LRRC7: variants seen among roughly 807,000 people sequenced by gnomAD.
The protein encoded by LRRC7 is leucine rich repeat containing 7, also known as leucine-rich repeat-containing protein 7.
In LRRC7, 23 loss-of-function variants were observed where a neutral mutation model predicts 175.7. The observed-to-expected ratio is 0.13, with a 90% CI of 0.09 to 0.19. LRRC7 has a LOEUF of 0.19. Ranked by LOEUF, LRRC7 falls within the 10% of genes least tolerant of loss-of-function variation. The pLI, the probability that LRRC7 is intolerant of heterozygous loss-of-function variation, is 1.00. For synonymous variants in LRRC7, 685 were observed against 680.9 expected, an observed-to-expected ratio of 1.01 and a Z score of -0.09; for missense variants, 1,354 against 1,904.7, an observed-to-expected ratio of 0.71 and a Z score of 5.38.
chr1:69,740,571 AG>A (rs1419683551), intron 2 of LRRC7, among the ~76,000 whole-genome samples: 1 of 152,092 alleles, frequency 6.6e-6, no homozygotes, highest in Non-Finnish European at 1.5e-5. Flanking sequence ...GGACAGCAAA[AG>A]GAAAGTGAGT....
chr1:69,891,937 G>A (rs557487384), intron 7 of LRRC7, among the ~76,000 whole-genome samples: 1 of 151,788 alleles, frequency 6.6e-6, no homozygotes, highest in South Asian at 2.1e-4. Context: ...ATAAAGTAAA[G>A]TGCAATAAAA....
rs1177451719 is a variant in LRRC7, at chr1:70,141,939, A to C, written c.*20052A>C. 6.6e-6 allele frequency: 1 copy of C among 152,074 alleles called. No homozygotes were observed. The highest frequency in any genetic ancestry group is 2.4e-5 in the African/African-American group (1 of 41,412). The allele number at this position is 152,074 out of a possible 1,614,324, so 9.4% of individuals were successfully genotyped here. On this transcript the variant is annotated 3_prime_UTR_variant, in exon 27 of 27. Coordinates refer to ENST00000651989, the MANE Select transcript of LRRC7 (RefSeq NM_001370785.2). Reference sequence around the variant, plus strand: ...ATTGACCTTTTTAATAGCTTAACGAAAGCATTTGACAAATGGACAAAAGAA... The same window carrying C: ...ATTGACCTTTTTAATAGCTTAACGACAGCATTTGACAAATGGACAAAAGAA...
intron 2 of LRRC7, among the ~76,000 whole-genome samples, chr1:69,759,151 C>T (rs796457026): frequency 1.1e-4 from 16 of 152,042 alleles, no homozygotes; most frequent in African/African-American, 3.9e-4. Context: ...GAGATAGTGA[C>T]CTTTTCGTTA....
At chr1:70,023,866 A>G (rs995498843) in intron 17 of LRRC7, among the ~76,000 whole-genome samples, 2 of 152,152 alleles carry the variant, frequency 1.3e-5, no homozygotes, top group Non-Finnish European at 2.9e-5. Context: ...GTTGAAAAGC[A>G]TCAATTTCCT....
intron 2 of LRRC7, among the ~76,000 whole-genome samples, chr1:69,702,813 A>G (rs1443031410): frequency 6.6e-6 from 1 of 152,164 alleles, no homozygotes; most frequent in East Asian, 1.9e-4. Flanking sequence ...GAGATGTGAA[A>G]TATAGATAGT....
At chr1:69,962,446 G>T (rs745874617) in intron 8 of LRRC7, among the ~76,000 whole-genome samples, 1 of 152,144 alleles carries the variant, frequency 6.6e-6, no homozygotes. Flanking sequence ...CCTAAAGAAA[G>T]AACTAAGATT....
At chr1:69,831,988 G>T (rs2101301813) in intron 5 of LRRC7, among the ~76,000 whole-genome samples, 1 of 152,196 alleles carries the variant, frequency 6.6e-6, no homozygotes, top group East Asian at 1.9e-4. Context: ...TGACATTGAG[G>T]ACTTATTACT....
intron 1 of LRRC7, among the ~76,000 whole-genome samples, chr1:69,675,190 A>C (rs570730301): frequency 6.6e-6 from 1 of 152,176 alleles, no homozygotes; most frequent in African/African-American, 2.4e-5. Flanking sequence ...ATATCTGCTC[A>C]TGAGTATTCC....
Position 69,792,091 on chromosome 1 carries a change from G to A in LRRC7, c.352G>A (p.Asp118Asn), listed in dbSNP as rs41287878. 1.2e-6 allele frequency: 2 copies of A among 1,610,774 alleles called. No individual in the cohort carries two copies. Among genetic ancestry groups the A allele is most frequent in the Non-Finnish European group, 1.7e-6 (2 of 1,177,732 alleles). Residue 118 changes from aspartate (D) to asparagine (N), a missense_variant, in exon 4 of 27, where the codon GAC (aspartate) becomes AAC (asparagine). This residue lies in a region of LRRC7 where 201 missense variants were observed against 481.4 expected (regional missense o/e 0.42). Transcript: ENST00000651989. ...ALRKLSIPDN[D>N]LSNLPTTIAS... ...ACGAAAACTAAGTATTCCTGATAAC[G>A]ACCTTTCAAATCTGCCAACCACTAT...
At chr1:69,769,680 A>G (rs1024205769) in intron 3 of LRRC7, among the ~76,000 whole-genome samples, 1 of 152,224 alleles carries the variant, frequency 6.6e-6, no homozygotes, top group African/African-American at 2.4e-5. Flanking sequence ...GGTTCCAAGT[A>G]TAAGGGATAT....
intron 1 of LRRC7, among the ~76,000 whole-genome samples, chr1:69,663,621 T>G (rs1570244091): frequency 6.6e-6 from 1 of 150,938 alleles, no homozygotes; most frequent in African/African-American, 2.4e-5. Context: ...CCCTACCTCT[T>G]CCCCTACACC....
intron 8 of LRRC7, among the ~76,000 whole-genome samples, chr1:69,970,920 G>T (rs1304143550): frequency 2.6e-5 from 4 of 152,042 alleles, no homozygotes; most frequent in Admixed American, 2.0e-4. Context: ...ATACCAAAAA[G>T]ATAATCTACC....
intron 7 of LRRC7, among the ~76,000 whole-genome samples, chr1:69,846,577 A>G (rs1186800765): frequency 6.6e-6 from 1 of 152,158 alleles, no homozygotes; most frequent in Non-Finnish European, 1.5e-5. Flanking sequence ...GAAGAGCTGT[A>G]AAGTACTTGA....
At chr1:69,588,627 G>T (rs541967730) in intron 1 of LRRC7, among the ~76,000 whole-genome samples, 40 of 152,178 alleles carry the variant, frequency 2.6e-4, no homozygotes, top group African/African-American at 8.4e-4. Context: ...TATAATTTTT[G>T]TAAGCCTTGT....
intron 7 of LRRC7, among the ~76,000 whole-genome samples, chr1:69,910,320 T>A (rs1373026156): frequency 6.6e-6 from 1 of 152,230 alleles, no homozygotes; most frequent in African/African-American, 2.4e-5. Flanking sequence ...TGTGGCTTTA[T>A]CTACTTTTGG....
rs188777507 is a variant in LRRC7 at position 70,128,241 on chromosome 1, C to T, written c.*6354C>T. On this transcript the variant is annotated 3_prime_UTR_variant, in exon 27 of 27. Transcript: ENST00000651989. ...CCTCCCAAAGTGCTGGGATTACAGG[C>T]GTGAGCCACTGTGCCCAGCATTTTT... 9.2e-5 allele frequency among the ~76,000 whole-genome samples: 14 copies of T among 152,298 alleles called. No individual in the cohort carries two copies. The highest frequency in any genetic ancestry group is 6.2e-4 in the South Asian group (3 of 4,820).
intron 1 of LRRC7, among the ~76,000 whole-genome samples, chr1:69,620,665 G>A (rs1285233024): frequency 6.6e-6 from 1 of 152,148 alleles, no homozygotes; most frequent in Non-Finnish European, 1.5e-5. Flanking sequence ...AGTTCGTAAT[G>A]ACTATACTTT....
chr1:69,678,697 A>G (rs1660106350), intron 2 of LRRC7, among the ~76,000 whole-genome samples: 1 of 152,150 alleles, frequency 6.6e-6, no homozygotes. Context: ...AAGATGTTCT[A>G]CTGATAATCA....
At chr1:70,027,353 CTAAATT>C (rs1188507114) in intron 17 of LRRC7, among the ~76,000 whole-genome samples, 1 of 152,044 alleles carries the variant, frequency 6.6e-6, no homozygotes, top group Non-Finnish European at 1.5e-5. Flanking sequence ...TTTTCTCCCT[CTAAATT>C]TAATGCTAAG....
Sources: gnomAD v4.1 joint callset for allele counts (sites outside exome capture counted in the v4.1 genomes callset) on GRCh38, gnomAD v4.1.1 for gene constraint, gnomAD v4.1.1 regional missense constraint, MANE v1.5 for transcripts, NCBI Gene and HGNC (gene_info 2026-07-23, HGNC 2026-07-21) for gene names.